Variants in PLCG2 observed in about 807,000 individuals in gnomAD.
PLCG2 encodes 1-phosphatidylinositol 4,5-bisphosphate phosphodiesterase gamma-2.
PLCG2 carries 69 observed loss-of-function variants against 175.6 expected under a neutral mutation model. The observed-to-expected ratio is 0.39, with a 90% CI of 0.32 to 0.48. The LOEUF is 0.48. Ranked by LOEUF, PLCG2 falls within the 20% of genes least tolerant of loss-of-function variation. PLCG2 has a pLI of 0.91. For synonymous variants in PLCG2, 827 were observed against 624.0 expected (o/e 1.33, Z -4.85); for missense variants, 1,798 against 1,650.9 (o/e 1.09, Z -1.54).
intron 2 of PLCG2, among the ~76,000 whole-genome samples, chr16:81,836,218 C>T (rs189307895): frequency 6.6e-6 from 1 of 152,170 alleles, no homozygotes; most frequent in African/African-American, 2.4e-5. Flanking sequence ...CTGCATTTCT[C>T]AGAGGGGGAA....
At chr16:81,952,686 A>G (rs1003102075) in intron 31 of PLCG2, among the ~76,000 whole-genome samples, 1 of 152,342 alleles carries the variant, frequency 6.6e-6, no homozygotes, top group Admixed American at 6.5e-5. Context: ...GAATGAATAC[A>G]TGACAGAGAA....
intron 9 of PLCG2, among the ~76,000 whole-genome samples, chr16:81,885,488 A>G (rs1908315831): frequency 6.6e-6 from 1 of 151,992 alleles, no homozygotes; most frequent in African/African-American, 2.4e-5. Context: ...TATTTCATCC[A>G]CTTCTAACTT....
chr16:81,787,972 C>T lies in PLCG2; in HGVS notation c.193+1790C>T, dbSNP rs185305788. Among the ~76,000 whole-genome samples the T allele has an allele frequency of 1.9e-4, 29 of 152,282 alleles. No individual in the cohort carries two copies. In the South Asian group the frequency reaches 2.3e-3, roughly 12 times the overall value. On this transcript the variant is annotated intron_variant, in intron 2 of 32. Transcript: ENST00000564138. ...CACAGTTTATTCAGTCATCTGTTGA[C>T]GGACCCTTGGGTTGTTGCCACCTTT...
intron 2 of PLCG2, among the ~76,000 whole-genome samples, chr16:81,805,645 A>G (rs1030733495): frequency 2.6e-5 from 4 of 151,800 alleles, no homozygotes; most frequent in East Asian, 1.9e-4. Context: ...CCCACTCACA[A>G]TGCTTTGCCA....
intron 30 of PLCG2, among the ~76,000 whole-genome samples, chr16:81,942,990 A>C (rs1013281567): frequency 1.3e-5 from 2 of 152,120 alleles, no homozygotes; most frequent in South Asian, 2.1e-4. Flanking sequence ...GAGAAGGTAC[A>C]TAGAGCTGGA....
chr16:81,886,762 G>C (rs967748055), intron 9 of PLCG2, among the ~76,000 whole-genome samples: 1 of 152,202 alleles, frequency 6.6e-6, no homozygotes, highest in Non-Finnish European at 1.5e-5. Flanking sequence ...AGAATAACCT[G>C]TACCTCCTGG....
At chr16:81,888,762 G>A (rs1195623191) in intron 9 of PLCG2, among the ~76,000 whole-genome samples, 4 of 152,168 alleles carry the variant, frequency 2.6e-5, no homozygotes, top group African/African-American at 9.7e-5. Flanking sequence ...ACTAACAAAC[G>A]TAAAGAGCTA....
At chr16:81,787,869 CA>C (rs370949775) in intron 2 of PLCG2, among the ~76,000 whole-genome samples, 30 of 152,240 alleles carry the variant, frequency 2.0e-4, no homozygotes, top group Middle Eastern at 3.4e-3. Context: ...CAGCATTTTT[CA>C]AGGTTCATCC....
chr16:81,844,599 G>A (rs113562683), intron 2 of PLCG2, among the ~76,000 whole-genome samples: 4,692 of 152,274 alleles, frequency 0.031, 112 homozygotes, highest in Non-Finnish European at 0.048. Context: ...TGGGATTACC[G>A]GCGTGAGCCA....
upstream of PLCG2, among the ~76,000 whole-genome samples, chr16:81,777,476 C>T (rs1910444864): frequency 6.7e-6 from 1 of 150,172 alleles, no homozygotes; most frequent in Non-Finnish European, 1.5e-5. Context: ...AAAGGAATTG[C>T]CCCTAGATGT....
intron 2 of PLCG2, among the ~76,000 whole-genome samples, chr16:81,825,448 C>A (rs930820452): frequency 2.0e-5 from 3 of 152,002 alleles, no homozygotes; most frequent in African/African-American, 7.3e-5. Context: ...CATGCGCCAG[C>A]ACACCTGGCT....
intron 6 of PLCG2, among the ~76,000 whole-genome samples, chr16:81,870,533 G>C (rs1175648087): frequency 6.6e-6 from 1 of 152,198 alleles, no homozygotes; most frequent in African/African-American, 2.4e-5. Flanking sequence ...CCCTTTTGGG[G>C]CTCAAAGGAG....
rs890505485 is a variant in PLCG2, at chr16:81,816,659, T to C, written c.193+30477T>C. Among the ~76,000 whole-genome samples the C allele has an allele frequency of 3.7e-4, 36 of 98,602 alleles. 2 individuals carry two copies. The highest frequency in any genetic ancestry group is 5.9e-4 in the African/African-American group (16 of 27,260). 64.7% of individuals were successfully genotyped at this position (98,602 alleles called of 152,430 possible). ...ATGCCCAGCTAATTTTAATTTTTTT[T>C]TTTTTTTTTTTTTTTTTTTTTTAGT... On this transcript the variant is annotated intron_variant, in intron 2 of 32. Transcript: ENST00000564138.
rs1310631153 is a variant in PLCG2 at position 81,958,310 on chromosome 16, G to A, written c.*312G>A. On this transcript the variant is annotated 3_prime_UTR_variant, in exon 33 of 33. Transcript: ENST00000564138. ...AAAACCTTGATCAATTAAGCCTTCT[G>A]TTGCACGACCTGTGCAGTGAACAGG... The A allele has an allele frequency of 2.6e-6, 1 of 385,858 alleles. No homozygotes were observed. Among genetic ancestry groups the A allele is most frequent in the Middle Eastern group, 6.8e-4 (1 of 1,464 alleles). 23.9% of individuals were successfully genotyped at this position (385,858 alleles called of 1,614,324 possible). A position where few individuals can be genotyped will look rare whatever the true frequency, so the allele number is the denominator to read the frequency against.
At chr16:81,786,654 G>A (rs537663452) in intron 2 of PLCG2, among the ~76,000 whole-genome samples, 3 of 152,282 alleles carry the variant, frequency 2.0e-5, no homozygotes, top group African/African-American at 7.2e-5. Context: ...GTTGTTGAAC[G>A]TTTTGTAGCT....
Position 81,956,854 on chromosome 16 carries a change from C to G in PLCG2, c.3730C>G (p.Leu1244Val), listed in dbSNP as rs200800716. Residue 1244 changes from leucine (L) to valine (V), a missense_variant, in exon 32 of 33, where the codon CTG (leucine) becomes GTG (valine). By Grantham distance (32) the Leu-to-Val change is conservative. Coordinates refer to ENST00000564138, the MANE Select transcript of PLCG2 (RefSeq NM_002661.5). ...EFSVNENQLQ[L>V]YQEKCNKRLR... ...CAGTGTTAATGAGAACCAGCTCCAGCTGTACCAGGAGAAATGCAACAAGAG... is the reference window on the plus strand; with the variant it reads ...CAGTGTTAATGAGAACCAGCTCCAGGTGTACCAGGAGAAATGCAACAAGAG... The G allele has an allele frequency of 7.8e-5, 126 of 1,613,854 alleles. 1 individual carries two copies. The highest frequency in any genetic ancestry group is 5.1e-4 in the South Asian group (46 of 91,006).
At chr16:81,939,006 C>G (rs1174077034) in intron 29 of PLCG2, 91 bp downstream of exon 29, 1 of 731,030 alleles carries the variant, frequency 1.4e-6, no homozygotes, top group Admixed American at 2.2e-5. Context: ...TTGCAATGCT[C>G]TTTAGTTGTC....
At chr16:81,915,444 C>T (rs373423564) in intron 19 of PLCG2, among the ~76,000 whole-genome samples, 1 of 152,228 alleles carries the variant, frequency 6.6e-6, no homozygotes, top group Non-Finnish European at 1.5e-5. Flanking sequence ...AAGCTGAGAC[C>T]TCAGGCTGTG....
intron 9 of PLCG2, among the ~76,000 whole-genome samples, chr16:81,888,444 C>G (rs1023847050): frequency 7.2e-5 from 11 of 152,178 alleles, no homozygotes; most frequent in African/African-American, 2.4e-4. Context: ...CCAGGCTGGT[C>G]TCAAACTCCT....
Sources: allele counts gnomAD v4.1 joint callset (sites outside exome capture counted in the v4.1 genomes callset), GRCh38; gene constraint gnomAD v4.1.1; transcripts MANE v1.5; gene names NCBI Gene and HGNC (gene_info 2026-07-23, HGNC 2026-07-21).